Variants in WIPF2 observed in about 807,000 individuals in gnomAD.
WIPF2 encodes the protein WAS/WASL-interacting protein family member 2.
In WIPF2, 23 loss-of-function variants were observed where a neutral mutation model predicts 38.8. That is an observed-to-expected ratio of 0.59 (90% CI 0.43 to 0.84). WIPF2 has a LOEUF of 0.84. Ranked by LOEUF, WIPF2 falls within the 40% of genes least tolerant of loss-of-function variation. WIPF2 has a pLI of 0.00. For missense variants in WIPF2, 574 were observed against 580.5 expected, an observed-to-expected ratio of 0.99 and a Z score of 0.11; for synonymous variants, 210 against 223.2, an observed-to-expected ratio of 0.94 and a Z score of 0.53.
Position 40,282,501 on chromosome 17 carries a change from TTC to T in WIPF2, c.*4278_*4279del, listed in dbSNP as rs1290386477. On this transcript the variant is annotated 3_prime_UTR_variant, in exon 8 of 8. Transcript: ENST00000323571. ...TTCATCTGTCTGCATGTGGATCAAT[TTC>T]TTTTAGAAAATAATTTATTGTATGA... 6.6e-6 allele frequency: 1 copy of T among 152,248 alleles called. No individual in the cohort carries two copies. The highest frequency in any genetic ancestry group is 2.4e-5 in the African/African-American group (1 of 41,466). The allele number at this position is 152,248 out of a possible 1,614,324, so 9.4% of individuals were successfully genotyped here.
chr17:40,240,048 C>T lies in WIPF2; in HGVS notation c.-69-16343C>T, dbSNP rs571485563. Among the ~76,000 whole-genome samples the T allele has an allele frequency of 6.6e-5, 10 of 151,228 alleles. No homozygotes were observed. The South Asian group carries it at 2.1e-3, about 32-fold the overall frequency. On this transcript the variant is annotated intron_variant, in intron 1 of 7. Coordinates refer to ENST00000323571, the MANE Select transcript of WIPF2 (RefSeq NM_133264.5). The stretch of plus-strand genomic sequence containing the variant: ...CAGCATGGGGAGGGATGGAGGAATC[C>T]ATTTGTTATACAGACTTTTCTTTTT...
intron 1 of WIPF2, among the ~76,000 whole-genome samples, chr17:40,231,378 C>T (rs1424279486): frequency 6.6e-6 from 1 of 150,876 alleles, no homozygotes; most frequent in Non-Finnish European, 1.5e-5. Context: ...TGGGGACTGT[C>T]ATCACTGGAT....
intron 1 of WIPF2, among the ~76,000 whole-genome samples, chr17:40,233,666 G>A (rs2030841097): frequency 6.6e-6 from 1 of 152,136 alleles, no homozygotes; most frequent in Non-Finnish European, 1.5e-5. Context: ...GAGGCTGAAG[G>A]TGATGGCACA....
At chr17:40,246,093 CTTT>C (rs552563309) in intron 1 of WIPF2, among the ~76,000 whole-genome samples, 3 of 140,398 alleles carry the variant, frequency 2.1e-5, no homozygotes, top group Admixed American at 7.2e-5. Flanking sequence ...CAATGCTACT[CTTT>C]TTTTTTTTTT....
At chr17:40,231,543 G>A (rs1159309193) in intron 1 of WIPF2, among the ~76,000 whole-genome samples, 2 of 150,842 alleles carry the variant, frequency 1.3e-5, no homozygotes, top group African/African-American at 4.9e-5. Flanking sequence ...CTCTGCCTCA[G>A]CCTCTGAGTA....
chr17:40,228,575 C>G (rs1478885446), intron 1 of WIPF2, among the ~76,000 whole-genome samples: 1 of 147,888 alleles, frequency 6.8e-6, no homozygotes, highest in Middle Eastern at 3.2e-3. Flanking sequence ...TACTGTGTGC[C>G]AAGTACTGTG....
intron 1 of WIPF2, among the ~76,000 whole-genome samples, chr17:40,236,919 C>G (rs905570119): frequency 3.3e-5 from 5 of 152,084 alleles, no homozygotes; most frequent in African/African-American, 1.2e-4. Context: ...TATTTTGACT[C>G]TAGATTCTTT....
intron 1 of WIPF2, among the ~76,000 whole-genome samples, chr17:40,249,863 C>T (rs1044238920): frequency 2.0e-5 from 3 of 146,748 alleles, no homozygotes; most frequent in Non-Finnish European, 4.5e-5. Flanking sequence ...GATGGAGTCT[C>T]GCACTGTCAC....
At position 40,264,523 on chromosome 17, in the gene WIPF2, C is replaced by T. The variant is rs763674305; in HGVS notation, c.347C>T (p.Pro116Leu). Residue 116 changes from proline to leucine, a missense_variant, in exon 5 of 8, where the codon CCC becomes CTC. By Grantham distance (98) the Pro-to-Leu change is moderately conservative. Transcript: ENST00000323571. ...GCTGGTAAGCCAGCCCTGCAAATCC[C>T]CAGTTCTCGAGCTGCTGCCCCAAGG... Reference protein sequence around the residue: ...NLAGKPALQIPSSRAAAPRPP... With the variant: ...NLAGKPALQILSSRAAAPRPP... 5 of 1,614,082 alleles carry T rather than the reference C, an allele frequency of 3.1e-6. No individual in the cohort carries two copies. In the Admixed American group the frequency reaches 5.0e-5, roughly 16 times the overall value.
At chr17:40,273,571 G>T in intron 5 of WIPF2, 1 of 536,180 alleles carries the variant, frequency 1.9e-6, no homozygotes, top group Non-Finnish European at 3.3e-6. Context: ...AACAGATAGG[G>T]TTCTGACTGA....
At position 40,256,133 on chromosome 17, in the gene WIPF2, A is replaced by T. The variant is rs2031724082; in HGVS notation, c.-69-258A>T. On this transcript the variant is annotated intron_variant, in intron 1 of 7. Coordinates refer to ENST00000323571, the MANE Select transcript of WIPF2 (RefSeq NM_133264.5). Reference sequence around the variant, plus strand: ...AAAAAAAAAAAAGGACACAAGGCCTAAATAGACACCTTACCAGAGAAGATA... The same window carrying T: ...AAAAAAAAAAAAGGACACAAGGCCTTAATAGACACCTTACCAGAGAAGATA... Among the ~76,000 whole-genome samples, 4 of 151,766 alleles carry T rather than the reference A, an allele frequency of 2.6e-5. No homozygotes were observed. In the South Asian group the frequency reaches 8.3e-4, roughly 32 times the overall value.
intron 3 of WIPF2, among the ~76,000 whole-genome samples, chr17:40,261,192 G>A (rs2031890782): frequency 6.6e-6 from 1 of 152,040 alleles, no homozygotes. Context: ...GTCCATTCCT[G>A]TAGGCCTCTG....
chr17:40,222,569 G>T (rs2030285236), intron 1 of WIPF2, among the ~76,000 whole-genome samples: 1 of 144,642 alleles, frequency 6.9e-6, no homozygotes, highest in African/African-American at 2.6e-5. Flanking sequence ...TCTTAGCCTT[G>T]CTCATGTGTG....
At chr17:40,260,182 T>C in intron 2 of WIPF2, among the ~76,000 whole-genome samples, 1 of 143,664 alleles carries the variant, frequency 7.0e-6, no homozygotes, top group Non-Finnish European at 1.5e-5. Flanking sequence ...AAGGGAACTT[T>C]TTTTTTTTTT....
intron 2 of WIPF2, among the ~76,000 whole-genome samples, chr17:40,260,179 CTTTTTTTTTT>C (rs34757828): frequency 2.3e-4 from 23 of 101,052 alleles, no homozygotes; most frequent in South Asian, 6.8e-4. Context: ...ATAAAGGGAA[CTTTTTTTTTT>C]TTTTTTTTTT....
At chr17:40,259,914 G>A (rs932838942) in intron 2 of WIPF2, among the ~76,000 whole-genome samples, 4 of 152,108 alleles carry the variant, frequency 2.6e-5, no homozygotes, top group East Asian at 1.9e-4. Flanking sequence ...GTGATGATAC[G>A]CATTAAATGT....
At position 40,256,485 on chromosome 17, in the gene WIPF2, C is replaced by T. The variant is rs2031734689; in HGVS notation, c.26C>T (p.Pro9Leu). 1.2e-6 allele frequency: 2 copies of T among 1,608,590 alleles called. No individual in the cohort carries two copies. The highest frequency in any genetic ancestry group is 1.1e-5 in the South Asian group (1 of 90,010). ...ATGCCAATTCCTCCTCCCCCGCCAC[C>T]CCCACCTGGTCCTCCTCCACCTCCC... MPIPPPPPPPPGPPPPPTF... is the reference protein window; with the variant it reads MPIPPPPPLPPGPPPPPTF... Residue 9 changes from proline to leucine, a missense_variant, in exon 2 of 8, where the codon CCC (proline) becomes CTC (leucine). Pro to Leu is a moderately conservative substitution (Grantham distance 98). Transcript: ENST00000323571.
chr17:40,282,840 C>T lies in WIPF2; in HGVS notation c.*4615C>T, dbSNP rs1317821892. On this transcript the variant is annotated 3_prime_UTR_variant, in exon 8 of 8. Transcript: ENST00000323571. ...GATCTACTGAATTGGGCAGACTCATCTATAGCTTTCTGAGGGTCTTCTCTC... is the reference window on the plus strand; with the variant it reads ...GATCTACTGAATTGGGCAGACTCATTTATAGCTTTCTGAGGGTCTTCTCTC... 2 of 152,098 alleles carry T rather than the reference C, an allele frequency of 1.3e-5. No homozygotes were observed. Among genetic ancestry groups the T allele is most frequent in the Non-Finnish European group, 2.9e-5 (2 of 68,028 alleles). The allele number at this position is 152,098 out of a possible 1,614,324, so 9.4% of individuals were successfully genotyped here. A position where few individuals can be genotyped will look rare whatever the true frequency, so the allele number is the denominator to read the frequency against.
chr17:40,235,675 G>A (rs2030940809), intron 1 of WIPF2, among the ~76,000 whole-genome samples: 1 of 149,476 alleles, frequency 6.7e-6, no homozygotes, highest in South Asian at 2.1e-4. Flanking sequence ...CCGGGTTCAA[G>A]CAATTCTCCT....
Sources: gnomAD v4.1 joint callset for allele counts (sites outside exome capture counted in the v4.1 genomes callset) on GRCh38, gnomAD v4.1.1 for gene constraint, MANE v1.5 for transcripts, NCBI Gene and HGNC (gene_info 2026-07-23, HGNC 2026-07-21) for gene names.